Variants in GRIN2B observed in about 807,000 individuals in gnomAD.
GRIN2B encodes the protein glutamate receptor ionotropic, NMDA 2B.
A neutral mutation model predicts 114.5 loss-of-function variants in GRIN2B; 5 were observed. The ratio of observed to expected loss-of-function variants is 0.04; its 90% CI spans 0.02 to 0.09. The LOEUF is 0.09. Among genes scored for constraint, GRIN2B ranks in the 10% least tolerant of loss-of-function variants. The pLI, the probability that GRIN2B is intolerant of heterozygous loss-of-function variation, is 1.00. For synonymous variants in GRIN2B, 787 were observed against 745.1 expected (o/e 1.06, Z -0.92); for missense variants, 1,108 against 1,943.5 (o/e 0.57, Z 8.08).
At chr12:13,628,887 A>G (rs529954807) in intron 5 of GRIN2B, among the ~76,000 whole-genome samples, 2 of 152,376 alleles carry the variant, frequency 1.3e-5, no homozygotes, top group African/African-American at 4.8e-5. Context: ...AATTCAAGAC[A>G]TAAGGTTGTG....
intron 2 of GRIN2B, among the ~76,000 whole-genome samples, chr12:13,923,990 T>C (rs908460042): frequency 6.6e-6 from 1 of 152,176 alleles, no homozygotes; most frequent in African/African-American, 2.4e-5. Context: ...AAAGGAAGGA[T>C]GAATATTTTC....
chr12:13,961,126 C>T (rs1331066516), intron 2 of GRIN2B, among the ~76,000 whole-genome samples: 11 of 151,140 alleles, frequency 7.3e-5, no homozygotes, highest in Non-Finnish European at 1.5e-4. Flanking sequence ...AGTGACAGAA[C>T]ACTAAAAGCA....
At chr12:13,630,654 A>G (rs1213592000) in intron 5 of GRIN2B, among the ~76,000 whole-genome samples, 2 of 152,130 alleles carry the variant, frequency 1.3e-5, no homozygotes, top group African/African-American at 2.4e-5. Context: ...GCCATTTTGG[A>G]TGGTTCAGCC....
At chr12:13,860,144 C>A (rs1410785709) in intron 3 of GRIN2B, among the ~76,000 whole-genome samples, 1 of 152,160 alleles carries the variant, frequency 6.6e-6, no homozygotes, top group Non-Finnish European at 1.5e-5. Flanking sequence ...AGCCCATCTA[C>A]TCTCTCCAAA....
At chr12:13,949,756 A>T (rs1405245450) in intron 2 of GRIN2B, among the ~76,000 whole-genome samples, 26 of 152,208 alleles carry the variant, frequency 1.7e-4, no homozygotes, top group Admixed American at 1.4e-3. Flanking sequence ...TTGATGGGCC[A>T]TGAGACAGAG....
At chr12:13,606,787 A>G (rs10845811) in intron 10 of GRIN2B, among the ~76,000 whole-genome samples, 53,439 of 151,874 alleles carry the variant, frequency 0.35, 10,842 homozygotes, top group East Asian at 0.81. Context: ...GATGTTGATG[A>G]AGGAACAATA....
intron 4 of GRIN2B, among the ~76,000 whole-genome samples, chr12:13,721,855 C>T (rs11055603): frequency 0.091 from 13,865 of 151,990 alleles, 907 homozygotes; most frequent in East Asian, 0.23. Flanking sequence ...CTTTGGGCCG[C>T]GAACATTTAG....
At chr12:13,572,907 T>G (rs1423573899) in intron 10 of GRIN2B, among the ~76,000 whole-genome samples, 1 of 152,240 alleles carries the variant, frequency 6.6e-6, no homozygotes, top group African/African-American at 2.4e-5. Flanking sequence ...TGTTATTCTT[T>G]GTTTAGATCA....
chr12:13,622,946 C>T (rs1949532210), intron 5 of GRIN2B, among the ~76,000 whole-genome samples: 1 of 152,218 alleles, frequency 6.6e-6, no homozygotes. Context: ...ATTCAAACTA[C>T]AGCACTACCT....
intron 3 of GRIN2B, among the ~76,000 whole-genome samples, chr12:13,771,980 T>A (rs150675789): frequency 7.4e-4 from 113 of 152,352 alleles, no homozygotes; most frequent in African/African-American, 2.7e-3. Flanking sequence ...TCCCACTGAT[T>A]TTTCCCATGA....
intron 3 of GRIN2B, among the ~76,000 whole-genome samples, chr12:13,822,608 C>T (rs767553627): frequency 1.3e-5 from 2 of 151,940 alleles, no homozygotes; most frequent in Non-Finnish European, 1.5e-5. Context: ...CTTTACAACA[C>T]CTCTGTTAAG....
At chr12:13,812,515 G>A (rs1362833134) in intron 3 of GRIN2B, among the ~76,000 whole-genome samples, 1 of 151,400 alleles carries the variant, frequency 6.6e-6, no homozygotes, top group Non-Finnish European at 1.5e-5. Flanking sequence ...TATTTCAACT[G>A]TAGACATTTT....
At chr12:13,805,719 T>TAA (rs1359068674) in intron 3 of GRIN2B, among the ~76,000 whole-genome samples, 1 of 152,186 alleles carries the variant, frequency 6.6e-6, no homozygotes, top group Non-Finnish European at 1.5e-5. Context: ...TTACCACACA[T>TAA]ACTTATCATT....
At chr12:13,838,715 A>C (rs1865325111) in intron 3 of GRIN2B, among the ~76,000 whole-genome samples, 1 of 152,174 alleles carries the variant, frequency 6.6e-6, no homozygotes, top group African/African-American at 2.4e-5. Context: ...AATTTCTAAC[A>C]TGGCCTGGAA....
At chr12:13,835,761 CAT>C (rs1444622575) in intron 3 of GRIN2B, among the ~76,000 whole-genome samples, 81 of 75,754 alleles carry the variant, frequency 1.1e-3, no homozygotes, top group African/African-American at 4.2e-3. Context: ...AGAGGGAAAA[CAT>C]AGCACATTAA....
intron 2 of GRIN2B, among the ~76,000 whole-genome samples, chr12:13,869,505 A>G (rs181254185): frequency 6.6e-6 from 1 of 152,290 alleles, no homozygotes; most frequent in Non-Finnish European, 1.5e-5. Flanking sequence ...CAAATAGTTC[A>G]ACCTGCTGGG....
chr12:13,939,342 G>A (rs1867191041), intron 2 of GRIN2B, among the ~76,000 whole-genome samples: 1 of 151,970 alleles, frequency 6.6e-6, no homozygotes, highest in Non-Finnish European at 1.5e-5. Flanking sequence ...TGAATGGTTT[G>A]GTGCCTTTCC....
intron 10 of GRIN2B, among the ~76,000 whole-genome samples, chr12:13,577,624 A>G (rs1948794345): frequency 6.6e-6 from 1 of 152,228 alleles, no homozygotes; most frequent in Non-Finnish European, 1.5e-5. Flanking sequence ...TGATTTTCCT[A>G]TGTATTAGGC....
intron 10 of GRIN2B, among the ~76,000 whole-genome samples, chr12:13,594,466 T>C (rs1949047701): frequency 1.3e-5 from 2 of 150,172 alleles, no homozygotes; most frequent in East Asian, 2.0e-4. Context: ...TAAGTGGGAG[T>C]TGAGCAATGA....
Sources: gnomAD v4.1 joint callset for allele counts (sites outside exome capture counted in the v4.1 genomes callset) on GRCh38, gnomAD v4.1.1 for gene constraint, MANE v1.5 for transcripts, NCBI Gene and HGNC (gene_info 2026-07-23, HGNC 2026-07-21) for gene names.